ATF7IP2: variants seen among roughly 807,000 people sequenced by gnomAD.
ATF7IP2 encodes the protein activating transcription factor 7-interacting protein 2.
Under a neutral mutation model 64.2 loss-of-function variants are expected in ATF7IP2, and 42 were observed. The ratio of observed to expected loss-of-function variants is 0.65; its 90% confidence interval spans 0.51 to 0.85. The LOEUF (loss-of-function observed/expected upper bound fraction) is 0.85. Among genes scored for constraint, ATF7IP2 ranks in the 40% least tolerant of loss-of-function variants. The pLI, the probability that ATF7IP2 is intolerant of heterozygous loss-of-function variation, is 0.00. For synonymous variants in ATF7IP2, 308 were observed against 272.8 expected (o/e 1.13, Z -1.27); for missense variants, 933 against 784.2 (o/e 1.19, Z -2.27).
At chr16:10,396,951 G>A (rs1270208709) in intron 1 of ATF7IP2, among the ~76,000 whole-genome samples, 4 of 152,092 alleles carry the variant, frequency 2.6e-5, no homozygotes, top group Non-Finnish European at 5.9e-5. Context: ...ACAGGCATGA[G>A]CTACCACGCC....
intron 3 of ATF7IP2, among the ~76,000 whole-genome samples, chr16:10,420,022 T>C (rs375313809): frequency 8.5e-5 from 13 of 152,336 alleles, no homozygotes; most frequent in Admixed American, 8.5e-4. Flanking sequence ...TGATGTCCTG[T>C]AGTCTCTGTT....
At chr16:10,453,150 G>T (rs779059286) in intron 8 of ATF7IP2, among the ~76,000 whole-genome samples, 1 of 152,174 alleles carries the variant, frequency 6.6e-6, no homozygotes, top group Non-Finnish European at 1.5e-5. Context: ...AAAAACTCCT[G>T]CACCTAACTC....
chr16:10,456,244 G>A (rs568994006), intron 8 of ATF7IP2, among the ~76,000 whole-genome samples: 2 of 152,152 alleles, frequency 1.3e-5, no homozygotes, highest in Non-Finnish European at 2.9e-5. Context: ...TAGCAGAAAG[G>A]AACCAGGACT....
In ATF7IP2 at chr16:10,482,414, C is replaced by G; in HGVS notation, c.*165C>G. On this transcript the variant is annotated 3_prime_UTR_variant, in exon 14 of 14. Coordinates refer to ENST00000562102, the MANE Select transcript of ATF7IP2 (RefSeq NM_001393719.1). ...AAGTGGCCAGTAATTTAATGAATTT[C>G]TGGTTTGTATTAAATATGTCCTTCC... The G allele has an allele frequency of 3.5e-6, 2 of 566,138 alleles. No homozygotes were observed. Among genetic ancestry groups the G allele is most frequent in the Non-Finnish European group, 6.1e-6 (2 of 328,942 alleles). The allele number at this position is 566,138 out of a possible 1,614,324, so 35.1% of individuals were successfully genotyped here. A position where few individuals can be genotyped will look rare whatever the true frequency, so the allele number is the denominator to read the frequency against.
chr16:10,477,725 G>A (rs1045692594), intron 12 of ATF7IP2, among the ~76,000 whole-genome samples: 2 of 152,054 alleles, frequency 1.3e-5, no homozygotes, highest in South Asian at 2.1e-4. Context: ...GTTTGCAGAC[G>A]ACATGATTGT....
At chr16:10,466,337 C>G (rs1179068555) in intron 9 of ATF7IP2, among the ~76,000 whole-genome samples, 1 of 152,140 alleles carries the variant, frequency 6.6e-6, no homozygotes, top group Non-Finnish European at 1.5e-5. Context: ...TGTGAACATT[C>G]TTTTACATGT....
At chr16:10,404,265 C>CT in intron 1 of ATF7IP2, among the ~76,000 whole-genome samples, 1 of 152,030 alleles carries the variant, frequency 6.6e-6, no homozygotes, top group Non-Finnish European at 1.5e-5. Flanking sequence ...TTTGTTTTTC[C>CT]TTTTTGAGAC....
In ATF7IP2 at chr16:10,476,875, T is replaced by G. The variant is rs866801657; in HGVS notation, c.1549+2886T>G. ...GGCTGCATAGTATTCCATGTGTATATGTACCACATTTTCTTTAGTCTATCA... is the reference window on the plus strand; with the variant it reads ...GGCTGCATAGTATTCCATGTGTATAGGTACCACATTTTCTTTAGTCTATCA... On this transcript the variant is annotated intron_variant, in intron 12 of 13. Transcript: ENST00000562102. Among the ~76,000 whole-genome samples, 5 of 152,340 alleles carry G rather than the reference T, an allele frequency of 3.3e-5. No individual in the cohort carries two copies. In the South Asian group the frequency reaches 1.0e-3, roughly 32 times the overall value.
chr16:10,447,481 A>G (rs1275035352), intron 8 of ATF7IP2: 1 of 152,208 alleles, frequency 6.6e-6, no homozygotes, highest in Non-Finnish European at 1.5e-5. Context: ...CGAACACTCA[A>G]AAGACTTCTC....
chr16:10,430,055 C>T (rs566260009), intron 4 of ATF7IP2, among the ~76,000 whole-genome samples: 2 of 151,620 alleles, frequency 1.3e-5, no homozygotes, highest in African/African-American at 2.4e-5. Context: ...GGTTTCACCA[C>T]GTTGACCAAG....
At chr16:10,408,564 T>C (rs540961607) in intron 1 of ATF7IP2, among the ~76,000 whole-genome samples, 1 of 152,384 alleles carries the variant, frequency 6.6e-6, no homozygotes, top group African/African-American at 2.4e-5. Flanking sequence ...ACTGTGGTTT[T>C]GATTTGCATT....
chr16:10,479,579 C>G (rs1164495246), intron 12 of ATF7IP2, among the ~76,000 whole-genome samples: 1 of 151,640 alleles, frequency 6.6e-6, no homozygotes, highest in African/African-American at 2.4e-5. Context: ...TGCAGCACAC[C>G]AGCATGGCAC....
In ATF7IP2 at chr16:10,431,101, G is replaced by A. The variant is rs145957232; in HGVS notation, c.481G>A (p.Ala161Thr). 1.9e-6 allele frequency: 3 copies of A among 1,614,106 alleles called. No homozygotes were observed. The highest frequency in any genetic ancestry group is 2.2e-5 in the East Asian group (1 of 44,876). ...AAGATCCCTTTTTGAGCATGAGGGG[G>A]CTTGTAGTCTAAAGTCCAGTTGCTG... ...VTRSLFEHEGACSLKSSCCPP... is the reference protein window; with the variant it reads ...VTRSLFEHEGTCSLKSSCCPP... Residue 161 changes from alanine to threonine, a missense_variant, in exon 5 of 14, where the codon GCT (alanine) becomes ACT (threonine). Physicochemically the swap from Ala to Thr is moderately conservative, Grantham distance 58. Transcript: ENST00000562102.
intron 8 of ATF7IP2, among the ~76,000 whole-genome samples, chr16:10,452,930 C>T (rs989544395): frequency 1.4e-4 from 21 of 152,142 alleles, no homozygotes; most frequent in African/African-American, 4.6e-4. Flanking sequence ...CAATGCCCCT[C>T]CCCTCACCAA....
At chr16:10,456,943 C>T (rs1326903883) in intron 8 of ATF7IP2, among the ~76,000 whole-genome samples, 1 of 152,146 alleles carries the variant, frequency 6.6e-6, no homozygotes, top group Admixed American at 6.5e-5. Context: ...AAGCTGAGAA[C>T]ACTGAATGTT....
Position 10,480,905 on chromosome 16 carries a change from C to T in ATF7IP2, c.1576C>T (p.His526Tyr). 6.2e-7 allele frequency: 1 copy of T among 1,612,924 alleles called. No homozygotes were observed. The highest frequency in any genetic ancestry group is 8.5e-7 in the Non-Finnish European group (1 of 1,179,014). Residue 526 changes from histidine (H) to tyrosine (Y), a missense_variant, in exon 13 of 14, where the codon CAT (histidine) becomes TAT (tyrosine). His to Tyr is a moderately conservative substitution (Grantham distance 83). Coordinates refer to ENST00000562102, the MANE Select transcript of ATF7IP2 (RefSeq NM_001393719.1). ...AAGTCCAGTATCCCCCCTGGAGTCA[C>T]ATTCGAAAGCTGCTTCAAACTCAAA... ...TESPVSPLES[H>Y]SKAASNSKET... is the part of the protein sequence containing the mutation.
At position 10,483,226 on chromosome 16, in the gene ATF7IP2, G is replaced by C. The variant is rs551980193; in HGVS notation, c.*977G>C. ...CAAAAACATAATGTATCTTATGAAA[G>C]CATTACCCAACCTGTTTGAGTTGAG... On this transcript the variant is annotated 3_prime_UTR_variant, in exon 14 of 14. Coordinates refer to ENST00000562102, the MANE Select transcript of ATF7IP2 (RefSeq NM_001393719.1). The C allele has an allele frequency of 1.9e-3, 295 of 152,242 alleles. 1 individual carries two copies. Among genetic ancestry groups the C allele is most frequent in the African/African-American group, 6.3e-3 (260 of 41,536 alleles). 9.4% of individuals were successfully genotyped at this position (152,242 alleles called of 1,614,324 possible).
chr16:10,473,133 G>A (rs2049867556), intron 10 of ATF7IP2, among the ~76,000 whole-genome samples: 1 of 152,174 alleles, frequency 6.6e-6, no homozygotes, highest in Admixed American at 6.5e-5. Flanking sequence ...TCCAGGAAGA[G>A]TGCTTCTCAG....
chr16:10,412,299 G>C (rs1173066959), intron 1 of ATF7IP2, among the ~76,000 whole-genome samples: 2 of 151,828 alleles, frequency 1.3e-5, no homozygotes, highest in African/African-American at 2.4e-5. Flanking sequence ...CAGACTTTTT[G>C]ATTTAGGCAT....
Sources: allele counts gnomAD v4.1 joint callset (sites outside exome capture counted in the v4.1 genomes callset), GRCh38; gene constraint gnomAD v4.1.1; transcripts MANE v1.5; gene names NCBI Gene and HGNC (gene_info 2026-07-23, HGNC 2026-07-21).